The following EFCAB7 variants were observed in gnomAD, a reference collection of about 807,000 sequenced individuals.
The protein encoded by EFCAB7 is EF-hand calcium-binding domain-containing protein 7.
EFCAB7 carries 66 observed loss-of-function variants against 77.1 expected under a neutral mutation model. That is an observed-to-expected ratio of 0.86 (90% confidence interval 0.70 to 1.05). The LOEUF (loss-of-function observed/expected upper bound fraction) is 1.05. Ranked by LOEUF, EFCAB7 falls within the 50% of genes least tolerant of loss-of-function variation. EFCAB7 has a pLI of 0.00. For synonymous variants in EFCAB7, 225 were observed against 243.3 expected (o/e 0.92, Z 0.70); for missense variants, 638 against 730.5 (o/e 0.87, Z 1.46).
chr1:63,531,980 A>AACAC lies in EFCAB7; in HGVS notation c.349_350insCACA (p.Asn117ThrfsTer3). 1 of 1,612,524 alleles carries AACAC rather than the reference A, an allele frequency of 6.2e-7. No individual in the cohort carries two copies. Among genetic ancestry groups the AACAC allele is most frequent in the Non-Finnish European group, 8.5e-7 (1 of 1,178,922 alleles). ...TAAAATCATTTAAGCAATTAGATGT[A>AACAC]AATGATGATGGCTGTATTTTACACA... On this transcript the variant is annotated frameshift_variant, in exon 3 of 14. Coordinates refer to ENST00000371088, the MANE Select transcript of EFCAB7 (RefSeq NM_032437.4). LOFTEE classifies it high-confidence loss of function.
At chr1:63,533,987 A>G in intron 5 of EFCAB7, 108 bp from the exon 6 acceptor site, 1 of 1,225,552 alleles carries the variant, frequency 8.2e-7, no homozygotes. Context: ...GGGAGAACAA[A>G]GAGAATCAAA....
At chr1:63,539,908 C>T (rs1359540511) in intron 6 of EFCAB7, among the ~76,000 whole-genome samples, 3 of 152,072 alleles carry the variant, frequency 2.0e-5, no homozygotes, top group African/African-American at 7.2e-5. Flanking sequence ...TCTTTCATTT[C>T]TATTCTTTAG....
chr1:63,568,390 A>G lies in EFCAB7; in HGVS notation c.1578A>G (p.Gly526=). The change falls in exon 12 of 14, where the codon GGA becomes GGG. Residue 526 remains glycine (G), a synonymous_variant. Transcript: ENST00000371088. Reference sequence around the variant, plus strand: ...CTGTCCATATGGAGGCATGTAGTGGACAACTTGAGAAGGCCATTTGTAAAT... The same window carrying G: ...CTGTCCATATGGAGGCATGTAGTGGGCAACTTGAGAAGGCCATTTGTAAAT... ...IKAVHMEACS[G]QLEKAICKSV... The G allele has an allele frequency of 6.3e-7, 1 of 1,584,626 alleles. No individual in the cohort carries two copies. The highest frequency in any genetic ancestry group is 8.6e-7 in the Non-Finnish European group (1 of 1,169,366).
At chr1:63,549,250 AC>A (rs1646937510) in intron 7 of EFCAB7, 7 of 434,036 alleles carry the variant, frequency 1.6e-5, no homozygotes, top group South Asian at 1.2e-4. Flanking sequence ...TAGAATGAAG[AC>A]CATAATAAAA....
At chr1:63,542,818 T>C (rs563102239) in intron 6 of EFCAB7, among the ~76,000 whole-genome samples, 260 of 152,328 alleles carry the variant, frequency 1.7e-3, no homozygotes, top group Admixed American at 2.4e-3. Context: ...GTTTGTTTTG[T>C]TGTTGAATTG....
the EFCAB7 span, among the ~76,000 whole-genome samples, chr1:63,578,875 A>T: frequency 6.6e-6 from 1 of 152,220 alleles, no homozygotes; most frequent in Non-Finnish European, 1.5e-5. Context: ...ATCAGAGAAG[A>T]CAGATTGTGA....
At chr1:63,543,812 C>T (rs540189593) in intron 6 of EFCAB7, among the ~76,000 whole-genome samples, 165 of 152,222 alleles carry the variant, frequency 1.1e-3, no homozygotes, top group African/African-American at 4.0e-3. Flanking sequence ...TGCTTACTTA[C>T]ATTTCAGGTA....
At chr1:63,544,514 G>A (rs1646871987) in intron 6 of EFCAB7, among the ~76,000 whole-genome samples, 2 of 152,160 alleles carry the variant, frequency 1.3e-5, no homozygotes, top group Admixed American at 1.3e-4. Flanking sequence ...CCGGATTCAA[G>A]CAATTCTCCT....
At chr1:63,570,959 C>G in intron 12 of EFCAB7, 62 bp from the exon 13 acceptor site, 1 of 1,210,512 alleles carries the variant, frequency 8.3e-7, no homozygotes, top group Admixed American at 2.1e-5. Context: ...TATTCTGAGG[C>G]TTATATTTGT....
chr1:63,557,112 A>G lies in EFCAB7; in HGVS notation c.1215-2A>G. ...AATAACTAGCTATTTTTATAATTTT[A>G]GGTCTACTTTATCAGATATATTTGA... is the stretch of plus-strand genomic sequence containing the variant. On this transcript the variant is annotated splice_acceptor_variant, in intron 9 of 13. Coordinates refer to ENST00000371088, the MANE Select transcript of EFCAB7 (RefSeq NM_032437.4). LOFTEE classifies it high-confidence loss of function. 1 of 1,553,874 alleles carries G rather than the reference A, an allele frequency of 6.4e-7. No individual in the cohort carries two copies. Among genetic ancestry groups the G allele is most frequent in the Middle Eastern group, 1.8e-4 (1 of 5,414 alleles).
At chr1:63,523,938 G>A (rs1196768559) in intron 1 of EFCAB7, among the ~76,000 whole-genome samples, 1 of 152,082 alleles carries the variant, frequency 6.6e-6, no homozygotes, top group Non-Finnish European at 1.5e-5. Context: ...CTATTGTGTG[G>A]CTGGTTATTT....
intron 6 of EFCAB7, 186 bp downstream of exon 6, chr1:63,534,402 G>T: frequency 4.6e-6 from 2 of 434,888 alleles, no homozygotes; most frequent in Non-Finnish European, 4.0e-6. Context: ...ATTATTATAA[G>T]GTCTTCAGTT....
At chr1:63,568,038 G>A (rs1000242096) in intron 11 of EFCAB7, among the ~76,000 whole-genome samples, 2 of 151,778 alleles carry the variant, frequency 1.3e-5, no homozygotes, top group African/African-American at 4.9e-5. Flanking sequence ...ATGAAGAGAT[G>A]GTATTATGGT....
chr1:63,557,654 A>G (rs1647047849), intron 10 of EFCAB7, among the ~76,000 whole-genome samples: 1 of 152,184 alleles, frequency 6.6e-6, no homozygotes, highest in African/African-American at 2.4e-5. Context: ...TGCTTATATT[A>G]TACATGTTAA....
chr1:63,566,429 T>C (rs1276908398), intron 11 of EFCAB7, among the ~76,000 whole-genome samples: 3 of 152,134 alleles, frequency 2.0e-5, no homozygotes, highest in Admixed American at 2.0e-4. Context: ...TGAAATAATC[T>C]TACAACAAAC....
At chr1:63,535,628 A>T (rs1393128900) in intron 6 of EFCAB7, among the ~76,000 whole-genome samples, 1 of 152,076 alleles carries the variant, frequency 6.6e-6, no homozygotes, top group Non-Finnish European at 1.5e-5. Context: ...TTACCTATAA[A>T]TAGGGAGTAA....
At chr1:63,584,298 A>G in the EFCAB7 span, among the ~76,000 whole-genome samples, 2 of 152,158 alleles carry the variant, frequency 1.3e-5, no homozygotes, top group Non-Finnish European at 1.5e-5. Flanking sequence ...GCTCATGCCT[A>G]TATCTCAGCA....
chr1:63,582,822 C>G, the EFCAB7 span, among the ~76,000 whole-genome samples: 1 of 152,184 alleles, frequency 6.6e-6, no homozygotes, highest in Non-Finnish European at 1.5e-5. Flanking sequence ...CCAGGCTGGT[C>G]TCGAACTTCT....
intron 7 of EFCAB7, among the ~76,000 whole-genome samples, chr1:63,551,412 G>T (rs923548226): frequency 3.3e-5 from 5 of 152,154 alleles, no homozygotes; most frequent in Admixed American, 3.3e-4. Flanking sequence ...CCAATGTGGT[G>T]AAACCCCGTC....
Sources: allele counts gnomAD v4.1 joint callset (sites outside exome capture counted in the v4.1 genomes callset), GRCh38; gene constraint gnomAD v4.1.1; transcripts MANE v1.5; gene names NCBI Gene and HGNC (gene_info 2026-07-23, HGNC 2026-07-21).